Variants in CPAMD8 observed in about 807,000 individuals in gnomAD.
CPAMD8 encodes the protein C3 and PZP like alpha-2-macroglobulin domain containing 8.
In CPAMD8, 146 loss-of-function variants were observed where a neutral mutation model predicts 224.7. The ratio of observed to expected loss-of-function variants is 0.65; its 90% CI spans 0.57 to 0.75. CPAMD8 has a LOEUF of 0.75. CPAMD8 is among the 30% of genes least tolerant of loss of function. CPAMD8 has a pLI of 0.00. For synonymous variants in CPAMD8, 966 were observed against 1,044.6 expected (o/e 0.92, Z 1.45); for missense variants, 2,301 against 2,537.5 (o/e 0.91, Z 2.00).
chr19:16,980,266 C>G (rs942998565), intron 14 of CPAMD8, among the ~76,000 whole-genome samples: 1 of 152,122 alleles, frequency 6.6e-6, no homozygotes, highest in Non-Finnish European at 1.5e-5. Flanking sequence ...TTTCCCTGTC[C>G]CCTGCACACA....
chr19:17,011,922 T>C (rs917182250), intron 3 of CPAMD8, among the ~76,000 whole-genome samples, 165 bp from the exon 4 acceptor site: 2 of 152,164 alleles, frequency 1.3e-5, no homozygotes, highest in African/African-American at 4.8e-5. Context: ...GTGTCATAGC[T>C]TTGGGGGTGG....
chr19:17,015,241 CAAAAAAT>C (rs918696440), intron 3 of CPAMD8, among the ~76,000 whole-genome samples: 2 of 151,852 alleles, frequency 1.3e-5, no homozygotes, highest in African/African-American at 2.4e-5. Context: ...GACTCCATCT[CAAAAAAT>C]AAAAAATAAA....
Position 16,993,397 on chromosome 19 carries a change from G to A in CPAMD8, c.1266+19C>T. On this transcript the variant is annotated intron_variant, in intron 12 of 41. Coordinates refer to ENST00000443236, the MANE Select transcript of CPAMD8 (RefSeq NM_015692.5). ...CATACCTGCTGGCTGAATAACAAGG[G>A]TCCACGGGACTCACCCACCTCCAGC... 6.2e-7 allele frequency: 1 copy of A among 1,605,474 alleles called. No individual in the cohort carries two copies. The highest frequency in any genetic ancestry group is 8.5e-7 in the Non-Finnish European group (1 of 1,176,178).
chr19:17,009,394 G>A (rs2056586138), intron 5 of CPAMD8, 74 bp from the exon 6 acceptor site: 4 of 1,610,992 alleles, frequency 2.5e-6, no homozygotes, highest in Non-Finnish European at 1.7e-6. Context: ...CTCATGCATG[G>A]CCTCGGTCCC....
At chr19:16,940,114 G>A (rs1007911041) in intron 22 of CPAMD8, among the ~76,000 whole-genome samples, 2 of 151,938 alleles carry the variant, frequency 1.3e-5, no homozygotes, top group African/African-American at 4.8e-5. Flanking sequence ...GTTTCACTAT[G>A]TTGGCCAGGC....
In CPAMD8 at chr19:16,952,132, G is replaced by A; in HGVS notation, c.2345C>T (p.Ala782Val). 21 of 1,552,310 alleles carry A rather than the reference G, an allele frequency of 1.4e-5. No individual in the cohort carries two copies. The highest frequency in any genetic ancestry group is 1.7e-5 in the Non-Finnish European group (20 of 1,147,176). ...PDSITSWVGEAVALSTSQGLG... is the reference protein window; with the variant it reads ...PDSITSWVGEVVALSTSQGLG... ...GCCCTGAGAGGTGGACAGGGCCACGGCCTCACCCACCCAGCTGGTGATGGA... is the reference window on the plus strand; with the variant it reads ...GCCCTGAGAGGTGGACAGGGCCACGACCTCACCCACCCAGCTGGTGATGGA... The change falls in exon 20 of 42, where the codon GCC (alanine) becomes GTC (valine). Residue 782 changes from alanine to valine, a missense_variant. Around this residue, in one of 4 missense-constraint regions of CPAMD8, gnomAD observed 1,709 missense variants for 1,753.2 expected, o/e 0.97. Coordinates refer to ENST00000443236, the MANE Select transcript of CPAMD8 (RefSeq NM_015692.5).
chr19:16,979,959 T>G (rs1013326475), intron 14 of CPAMD8, among the ~76,000 whole-genome samples: 1 of 152,180 alleles, frequency 6.6e-6, no homozygotes, highest in Non-Finnish European at 1.5e-5. Context: ...TTGGTACTAC[T>G]GGCATCTGGT....
At chr19:16,960,318 C>T (rs776202069) in intron 18 of CPAMD8, among the ~76,000 whole-genome samples, 6 of 152,268 alleles carry the variant, frequency 3.9e-5, no homozygotes, top group South Asian at 2.1e-4. Context: ...CACCCGCAGA[C>T]GTGTGTGCAA....
intron 3 of CPAMD8, among the ~76,000 whole-genome samples, chr19:17,014,021 T>G (rs2056741955): frequency 1.5e-5 from 1 of 68,238 alleles, no homozygotes; most frequent in Non-Finnish European, 3.7e-5. Flanking sequence ...CCTCCCTCCA[T>G]CCCTCCCTTC....
chr19:16,983,115 T>C (rs1218198612), intron 13 of CPAMD8, among the ~76,000 whole-genome samples: 1 of 152,112 alleles, frequency 6.6e-6, no homozygotes, highest in Non-Finnish European at 1.5e-5. Flanking sequence ...TTAAACCTCT[T>C]TTTCTGGCTG....
chr19:17,003,938 G>A lies in CPAMD8; in HGVS notation c.673+335C>T, dbSNP rs1048251039. On this transcript the variant is annotated intron_variant, in intron 8 of 41. Transcript: ENST00000443236. ...CTTTTTTTTTTTGAGACAGAGTCTC[G>A]CCCTGTCGCCCAGGCTGGAGCGCAG... 4.7e-5 allele frequency among the ~76,000 whole-genome samples: 7 copies of A among 147,704 alleles called. No homozygotes were observed. In the South Asian group the frequency reaches 6.4e-4, roughly 14 times the overall value.
chr19:16,967,889 A>ATGTGTGTATATATGCG lies in CPAMD8; in HGVS notation c.2213+3001_2213+3002insCGCATATATACACACA, dbSNP rs1568539943. Among the ~76,000 whole-genome samples the ATGTGTGTATATATGCG allele has an allele frequency of 1.1e-3, 102 of 89,578 alleles. 7 individuals are homozygous for ATGTGTGTATATATGCG. The highest frequency in any genetic ancestry group is 5.1e-3 in the Middle Eastern group (1 of 196). The allele number at this position is 89,578 out of a possible 152,430, so 58.8% of individuals were successfully genotyped here. ...TGTATATATGTGCATATATACACAC[A>ATGTGTGTATATATGCG]CATGTGTGTGTATATATGTGCATAT... On this transcript the variant is annotated intron_variant, in intron 18 of 41. Coordinates refer to ENST00000443236, the MANE Select transcript of CPAMD8 (RefSeq NM_015692.5).
At chr19:16,972,723 C>G (rs543272929) in intron 17 of CPAMD8, among the ~76,000 whole-genome samples, 2 of 152,092 alleles carry the variant, frequency 1.3e-5, no homozygotes, top group Non-Finnish European at 2.9e-5. Flanking sequence ...CGTGAGCCAC[C>G]GCGCCCAGCC....
chr19:17,011,032 A>C (rs1057136779), intron 5 of CPAMD8, among the ~76,000 whole-genome samples: 9 of 150,216 alleles, frequency 6.0e-5, no homozygotes, highest in Non-Finnish European at 1.0e-4. Context: ...CAAAAAAAAA[A>C]CAGAAAAAAA....
chr19:16,938,403 C>A lies in CPAMD8; in HGVS notation c.2837G>T (p.Cys946Phe), dbSNP rs1299738162. Reference sequence around the variant, plus strand: ...GGGCACGGGGGACTCACCACTGGGACAGAAGAATGCGCTGTAGGTGTACGC... The same window carrying A: ...GGGCACGGGGGACTCACCACTGGGAAAGAAGAATGCGCTGTAGGTGTACGC... ...PRAYTYSAFF[C>F]PSERVHISTP... is the part of the protein sequence containing the mutation. Residue 946 changes from cysteine to phenylalanine, a missense_variant, in exon 23 of 42, where the codon TGT becomes TTT. Coordinates refer to ENST00000443236, the MANE Select transcript of CPAMD8 (RefSeq NM_015692.5). 6.4e-7 allele frequency: 1 copy of A among 1,563,122 alleles called. No homozygotes were observed. The highest frequency in any genetic ancestry group is 8.6e-7 in the Non-Finnish European group (1 of 1,158,304).
rs763688097 is a variant in CPAMD8 at position 16,951,954 on chromosome 19, TG to T, written c.2508+14del. The T allele has an allele frequency of 2.7e-6, 4 of 1,481,980 alleles. No homozygotes were observed. Among genetic ancestry groups the T allele is most frequent in the Admixed American group, 2.0e-5 (1 of 50,328 alleles). 91.8% of individuals were successfully genotyped at this position (1,481,980 alleles called of 1,614,324 possible). A position where few individuals can be genotyped will look rare whatever the true frequency, so the allele number is the denominator to read the frequency against. Reference sequence around the variant, plus strand: ...ACTGAATGGAGGAAGGCTATGTATTTGGGGGGCTGAGTACCTCAGCGCAGGT... The same window carrying T: ...ACTGAATGGAGGAAGGCTATGTATTTGGGGGCTGAGTACCTCAGCGCAGGT... On this transcript the variant is annotated intron_variant, in intron 20 of 41. Transcript: ENST00000443236.
intron 29 of CPAMD8, among the ~76,000 whole-genome samples, chr19:16,910,040 T>G (rs1327012349): frequency 6.6e-6 from 1 of 150,468 alleles, no homozygotes; most frequent in East Asian, 2.0e-4. Context: ...TTAGTAGAGA[T>G]AAGCTTTTGC....
chr19:16,944,754 C>T (rs2054014640), intron 22 of CPAMD8, among the ~76,000 whole-genome samples: 1 of 152,108 alleles, frequency 6.6e-6, no homozygotes, highest in Non-Finnish European at 1.5e-5. Flanking sequence ...GGAGTTCTGC[C>T]CAGTGGGCAC....
At chr19:16,988,512 A>C (rs896620339) in intron 13 of CPAMD8, among the ~76,000 whole-genome samples, 1 of 152,126 alleles carries the variant, frequency 6.6e-6, no homozygotes, top group Non-Finnish European at 1.5e-5. Context: ...CCAGAGGCTG[A>C]GGCAGGAGAA....
Sources: gnomAD v4.1 joint callset for allele counts (sites outside exome capture counted in the v4.1 genomes callset) on GRCh38, gnomAD v4.1.1 for gene constraint, gnomAD v4.1.1 regional missense constraint, MANE v1.5 for transcripts, NCBI Gene and HGNC (gene_info 2026-07-23, HGNC 2026-07-21) for gene names.